Variants in MED13 observed in about 807,000 individuals in gnomAD.
MED13 encodes mediator of RNA polymerase II transcription subunit 13.
Under a neutral mutation model 225.2 loss-of-function variants are expected in MED13, and 23 were observed. That is an observed-to-expected ratio of 0.10 (90% confidence interval 0.07 to 0.14). The LOEUF is 0.14. Ranked by LOEUF, MED13 falls within the 10% of genes least tolerant of loss-of-function variation. MED13 has a pLI of 1.00. For synonymous variants in MED13, 942 were observed against 889.2 expected (o/e 1.06, Z -1.06); for missense variants, 2,197 against 2,594.5 (o/e 0.85, Z 3.33).
chr17:61,998,023 AT>A (rs2080360602), intron 9 of MED13, among the ~76,000 whole-genome samples: 1 of 152,186 alleles, frequency 6.6e-6, no homozygotes, highest in Non-Finnish European at 1.5e-5. Flanking sequence ...AATGTAGTCA[AT>A]TTCAAGAGTA....
intron 16 of MED13, 127 bp from the exon 17 acceptor site, chr17:61,973,015 CT>C: frequency 1.5e-6 from 1 of 649,328 alleles, no homozygotes; most frequent in Non-Finnish European, 2.5e-6. Context: ...TAAACCCTTA[CT>C]TGTGCAGAGA....
rs544592450 is a variant in MED13, at chr17:61,986,403, C to T, written c.2385+604G>A. ...GGAATTCCCTTTTATGATAATGCAG[C>T]ACCCAATTCATTAATTTGACAGAGA... On this transcript the variant is annotated intron_variant, in intron 12 of 29. Coordinates refer to ENST00000397786, the MANE Select transcript of MED13 (RefSeq NM_005121.3). Among the ~76,000 whole-genome samples the T allele has an allele frequency of 3.3e-5, 5 of 152,288 alleles. No homozygotes were observed. In the South Asian group the frequency reaches 8.3e-4, roughly 25 times the overall value.
At chr17:61,950,669 C>T (rs1331932940) in intron 28 of MED13, among the ~76,000 whole-genome samples, 156 bp downstream of exon 28, 1 of 152,196 alleles carries the variant, frequency 6.6e-6, no homozygotes, top group Admixed American at 6.5e-5. Flanking sequence ...CAGGCGTGAG[C>T]CACCGTGCCT....
intron 15 of MED13, 79 bp downstream of exon 15, chr17:61,984,092 A>C: frequency 9.1e-7 from 1 of 1,096,020 alleles, no homozygotes; most frequent in East Asian, 2.8e-5. Flanking sequence ...TTATTTTTCC[A>C]GCATACCAGG....
chr17:62,034,084 A>G, intron 4 of MED13, 100 bp from the exon 5 acceptor site: 3 of 992,676 alleles, frequency 3.0e-6, no homozygotes, highest in East Asian at 2.6e-5. Context: ...ATTATAAAAA[A>G]GAAAAGGAAA....
chr17:62,045,334 T>C (rs749335935), intron 3 of MED13, among the ~76,000 whole-genome samples: 1 of 152,136 alleles, frequency 6.6e-6, no homozygotes, highest in Non-Finnish European at 1.5e-5. Context: ...AGATTCAACA[T>C]GACAAAAAGC....
rs1441277591 is a variant in MED13 at position 62,029,544 on chromosome 17, A to C, written c.1280T>G (p.Leu427Trp). ...AATCGATCGGGAAATAATCTACCTC[A>C]AACAACTGCAATTTGTTCTTTGTGT... ...EATQRTNCSC[L>W]RHKNLKSRNA... The change falls in exon 8 of 30, where the codon TTG becomes TGG. Residue 427 changes from leucine to tryptophan, a missense_variant. This residue lies in a region of MED13 where 884 missense variants were observed against 918.5 expected (regional missense o/e 0.96). Coordinates refer to ENST00000397786, the MANE Select transcript of MED13 (RefSeq NM_005121.3). 1 of 1,612,954 alleles carries C rather than the reference A, an allele frequency of 6.2e-7. No individual in the cohort carries two copies. The highest frequency in any genetic ancestry group is 8.5e-7 in the Non-Finnish European group (1 of 1,179,088).
chr17:62,040,717 G>A (rs2080845740), intron 3 of MED13, among the ~76,000 whole-genome samples: 1 of 152,076 alleles, frequency 6.6e-6, no homozygotes, highest in Non-Finnish European at 1.5e-5. Context: ...TTAAAAAAAT[G>A]GGCAAAAGAC....
chr17:61,982,309 A>C lies in MED13; in HGVS notation c.3694T>G (p.Cys1232Gly). ...RVEERDCCND[C>G]YLALEHGRQF... ...CGCCCATGTTCTAATGCAAGGTAGC[A>C]GTCATTGCAACAGTCACGCTCTTCA... Residue 1232 changes from cysteine (C) to glycine (G), a missense_variant, in exon 16 of 30, where the codon TGC becomes GGC. Coordinates refer to ENST00000397786, the MANE Select transcript of MED13 (RefSeq NM_005121.3). The C allele has an allele frequency of 6.2e-7, 1 of 1,614,224 alleles. No individual in the cohort carries two copies. The highest frequency in any genetic ancestry group is 8.5e-7 in the Non-Finnish European group (1 of 1,180,014).
intron 9 of MED13, chr17:62,005,644 CTA>C (rs941583692): frequency 6.6e-6 from 1 of 152,172 alleles, no homozygotes; most frequent in African/African-American, 2.4e-5. Flanking sequence ...TAAAATCATA[CTA>C]AAATACTTTT....
chr17:62,065,196 A>C lies in MED13; in HGVS notation c.10T>G (p.Ser4Ala). The C allele has an allele frequency of 6.4e-7, 1 of 1,561,940 alleles. No individual in the cohort carries two copies. Among genetic ancestry groups the C allele is most frequent in the African/African-American group, 1.4e-5 (1 of 71,860 alleles). ...AGGCTGGCCCCGTTCGGCACGAAGG[A>C]GGCACTCATCGTCCCTCACAGCAGC... MSA[S>A]FVPNGASLED... Residue 4 changes from serine to alanine, a missense_variant, in exon 1 of 30, where the codon TCC (serine) becomes GCC (alanine). By Grantham distance (99) the Ser-to-Ala change is moderately conservative. Around this residue, in one of 12 missense-constraint regions of MED13, gnomAD observed 884 missense variants for 918.5 expected, o/e 0.96. Coordinates refer to ENST00000397786, the MANE Select transcript of MED13 (RefSeq NM_005121.3).
At chr17:62,039,879 G>A (rs557411901) in intron 3 of MED13, among the ~76,000 whole-genome samples, 4 of 152,042 alleles carry the variant, frequency 2.6e-5, no homozygotes, top group Non-Finnish European at 2.9e-5. Flanking sequence ...AATTACAGGC[G>A]TGAGCCACTG....
Position 62,010,863 on chromosome 17 carries a change from G to C in MED13, c.1654C>G (p.Pro552Ala). Residue 552 changes from proline (P) to alanine (A), a missense_variant, in exon 9 of 30, where the codon CCT (proline) becomes GCT (alanine). Pro to Ala is a conservative substitution (Grantham distance 27). This residue lies in a region of MED13 where 884 missense variants were observed against 918.5 expected (regional missense o/e 0.96). Coordinates refer to ENST00000397786, the MANE Select transcript of MED13 (RefSeq NM_005121.3). ...DVVDEGVTKT[P>A]STPQSQHFYQ... ...AAATGTTGACTCTGAGGAGTTGAAG[G>C]TGTTTTAGTCACTCCTTCATCAACC... 1.9e-6 allele frequency: 3 copies of C among 1,614,264 alleles called. No homozygotes were observed. Among genetic ancestry groups the C allele is most frequent in the Non-Finnish European group, 2.5e-6 (3 of 1,180,044 alleles).
intron 20 of MED13, among the ~76,000 whole-genome samples, chr17:61,963,617 C>T (rs2080026889): frequency 6.6e-6 from 1 of 152,104 alleles, no homozygotes; most frequent in African/African-American, 2.4e-5. Context: ...CATTTTTAGA[C>T]TATATACATT....
intron 10 of MED13, among the ~76,000 whole-genome samples, chr17:61,992,978 G>T (rs1175977871): frequency 6.6e-6 from 1 of 152,050 alleles, no homozygotes; most frequent in African/African-American, 2.4e-5. Context: ...CATTGGCCAG[G>T]ATGGTCTCAA....
chr17:61,978,307 A>G (rs1379846497), intron 16 of MED13, among the ~76,000 whole-genome samples: 1 of 152,070 alleles, frequency 6.6e-6, no homozygotes, highest in Admixed American at 6.6e-5. Context: ...CTGGAGTACA[A>G]TGGCAGGATC....
chr17:61,974,838 T>C (rs184930037), intron 16 of MED13, among the ~76,000 whole-genome samples: 195 of 152,174 alleles, frequency 1.3e-3, no homozygotes, highest in African/African-American at 4.5e-3. Flanking sequence ...AAAAAAGTAA[T>C]AGGAGTAAAT....
In MED13 at chr17:61,961,635, C is replaced by T. The variant is rs1312737217; in HGVS notation, c.5209G>A (p.Gly1737Ser). Residue 1737 changes from glycine (G) to serine (S), a missense_variant, in exon 22 of 30, where the codon GGC becomes AGC. Physicochemically the swap from Gly to Ser is moderately conservative, Grantham distance 56. Transcript: ENST00000397786. ...PTSTNVKTLT[G>S]FGPGLAMETA... ...TCCATGGCTAAACCTGGACCAAAGC[C>T]AGTCAATGTTTTCACATTGGTTGAT... 10 of 1,613,948 alleles carry T rather than the reference C, an allele frequency of 6.2e-6. No individual in the cohort carries two copies. The highest frequency in any genetic ancestry group is 8.5e-6 in the Non-Finnish European group (10 of 1,180,010).
At chr17:62,029,055 G>C (rs2080729719) in intron 8 of MED13, among the ~76,000 whole-genome samples, 1 of 152,066 alleles carries the variant, frequency 6.6e-6, no homozygotes, top group Non-Finnish European at 1.5e-5. Flanking sequence ...TAGCTACTTG[G>C]GAGGCTGGGG....
Sources: allele counts gnomAD v4.1 joint callset (sites outside exome capture counted in the v4.1 genomes callset), GRCh38; gene constraint gnomAD v4.1.1; regional missense constraint gnomAD v4.1.1; transcripts MANE v1.5; gene names NCBI Gene and HGNC (gene_info 2026-07-23, HGNC 2026-07-21).